Variants in NFIB observed in about 807,000 individuals in gnomAD.
NFIB encodes the protein nuclear factor I B.
Under a neutral mutation model 61.5 loss-of-function variants are expected in NFIB, and 11 were observed. The observed-to-expected ratio is 0.18, with a 90% CI of 0.11 to 0.30. The LOEUF (loss-of-function observed/expected upper bound fraction) is 0.30. NFIB is among the 10% of genes least tolerant of loss of function. The pLI, the probability that NFIB is intolerant of heterozygous loss-of-function variation, is 1.00. For missense variants in NFIB, 471 were observed against 608.9 expected, an observed-to-expected ratio of 0.77 and a Z score of 2.38; for synonymous variants, 260 against 216.5, an observed-to-expected ratio of 1.20 and a Z score of -1.76.
rs548341254 is a variant in NFIB at position 14,162,581 on chromosome 9, C to T, written c.617-6688G>A. On this transcript the variant is annotated intron_variant, in intron 3 of 10. Coordinates refer to ENST00000380953, the MANE Select transcript of NFIB (RefSeq NM_001190737.2). The stretch of plus-strand genomic sequence containing the variant: ...CAAGTTTTTATACCAGGAGTATACA[C>T]ATGCTTCATAAAATGGTTTTGATCA... Among the ~76,000 whole-genome samples, 5 of 152,122 alleles carry T rather than the reference C, an allele frequency of 3.3e-5. No homozygotes were observed. In the South Asian group the frequency reaches 1.0e-3, roughly 32 times the overall value.
chr9:14,109,473 A>G (rs911190225), intron 10 of NFIB, among the ~76,000 whole-genome samples: 1 of 151,412 alleles, frequency 6.6e-6, no homozygotes, highest in African/African-American at 2.5e-5. Context: ...AGCAGAGACT[A>G]ATCAGTTCAG....
Position 14,088,132 on chromosome 9 carries a change from C to T in NFIB, c.*177G>A. 1 of 1,350,712 alleles carries T rather than the reference C, an allele frequency of 7.4e-7. No homozygotes were observed. Among genetic ancestry groups the T allele is most frequent in the Admixed American group, 2.7e-5 (1 of 36,374 alleles). 83.7% of individuals were successfully genotyped at this position (1,350,712 alleles called of 1,614,324 possible). ...CCTTTGTGTTGTTTTGTCCAGTCTT[C>T]CTCTTTTCCTTTTTTTTTATTTAAA... On this transcript the variant is annotated 3_prime_UTR_variant, in exon 11 of 11. Transcript: ENST00000380953.
intron 9 of NFIB, 113 bp downstream of exon 9, chr9:14,116,095 G>A (rs1252073259): frequency 1.6e-6 from 2 of 1,260,046 alleles, no homozygotes; most frequent in Admixed American, 3.7e-5. Flanking sequence ...TCAGGTAGCT[G>A]GAAAAATTGC....
At chr9:14,181,416 ACT>A (rs2046761571) in intron 2 of NFIB, among the ~76,000 whole-genome samples, 1 of 152,206 alleles carries the variant, frequency 6.6e-6, no homozygotes, top group African/African-American at 2.4e-5. Context: ...AGAGCTGAGA[ACT>A]CTCTGAAAAT....
At chr9:14,149,899 C>A (rs1412026617) in intron 5 of NFIB, among the ~76,000 whole-genome samples, 1 of 152,058 alleles carries the variant, frequency 6.6e-6, no homozygotes, top group African/African-American at 2.4e-5. Flanking sequence ...GGACAAAAGT[C>A]ATATTAATAT....
At chr9:14,352,863 T>A (rs939725099) in intron 1 of NFIB, among the ~76,000 whole-genome samples, 6 of 152,228 alleles carry the variant, frequency 3.9e-5, no homozygotes, top group Non-Finnish European at 8.8e-5. Flanking sequence ...GGAGTCTTTG[T>A]GAAAGAGTAC....
the NFIB span, among the ~76,000 whole-genome samples, chr9:14,528,999 G>T: frequency 1.3e-5 from 2 of 152,124 alleles, no homozygotes; most frequent in Admixed American, 6.5e-5. Flanking sequence ...CTCCTTGAAA[G>T]AAGTCACATA....
the NFIB span, among the ~76,000 whole-genome samples, chr9:14,524,646 C>T: frequency 2.0e-5 from 3 of 152,166 alleles, no homozygotes. Context: ...ATTATCACTA[C>T]TGTTACATGA....
chr9:14,300,768 C>A (rs570896565), intron 2 of NFIB, among the ~76,000 whole-genome samples: 1 of 152,306 alleles, frequency 6.6e-6, no homozygotes, highest in African/African-American at 2.4e-5. Context: ...TCTTCAGGTG[C>A]TGAAATTCTA....
chr9:14,219,913 T>C (rs1337231182), intron 2 of NFIB, among the ~76,000 whole-genome samples: 1 of 152,170 alleles, frequency 6.6e-6, no homozygotes, highest in Admixed American at 6.5e-5. Flanking sequence ...GGGACTCTTA[T>C]AACAAAGCTT....
the NFIB span, among the ~76,000 whole-genome samples, chr9:14,438,163 T>A: frequency 6.6e-6 from 1 of 152,016 alleles, no homozygotes. Flanking sequence ...CTCGTGCTTG[T>A]AAGGGTACCA....
At position 14,142,384 on chromosome 9, in the gene NFIB, G is replaced by T. The variant is rs10961391; in HGVS notation, c.925+4305C>A. On this transcript the variant is annotated intron_variant, in intron 6 of 10. Coordinates refer to ENST00000380953, the MANE Select transcript of NFIB (RefSeq NM_001190737.2). ...TTGCTCCTCCTTCCACCATGACTGT[G>T]AAGCCTACCCAGCCAATAAACCTCT... Among the ~76,000 whole-genome samples the T allele has an allele frequency of 0.015, 2,208 of 152,202 alleles. 124 individuals are homozygous for T. In the East Asian group the frequency reaches 0.2, roughly 13 times the overall value.
intron 6 of NFIB, 142 bp from the exon 7 acceptor site, chr9:14,125,908 C>A: frequency 8.9e-7 from 1 of 1,118,080 alleles, no homozygotes; most frequent in Non-Finnish European, 1.2e-6. Flanking sequence ...TGAGTGTCAA[C>A]GATCCAGCTG....
At chr9:14,435,798 C>T in the NFIB span, among the ~76,000 whole-genome samples, 1 of 152,206 alleles carries the variant, frequency 6.6e-6, no homozygotes, top group Admixed American at 6.5e-5. Flanking sequence ...GGAAGGTGGG[C>T]AGATCTGTTA....
chr9:14,247,484 G>A (rs1473273319), intron 2 of NFIB, among the ~76,000 whole-genome samples: 3 of 152,140 alleles, frequency 2.0e-5, no homozygotes, highest in Admixed American at 6.6e-5. Flanking sequence ...ACAGGAAAAT[G>A]TGCCAGTCAT....
At chr9:14,327,547 G>C (rs2060770770) in intron 1 of NFIB, among the ~76,000 whole-genome samples, 1 of 152,184 alleles carries the variant, frequency 6.6e-6, no homozygotes, top group African/African-American at 2.4e-5. Context: ...ATAGGTTTTT[G>C]AGGATCTCTG....
At chr9:14,342,423 A>AGAAG (rs563853168) in intron 1 of NFIB, among the ~76,000 whole-genome samples, 247 of 151,874 alleles carry the variant, frequency 1.6e-3, no homozygotes, top group Non-Finnish European at 2.9e-3. Flanking sequence ...CAGTGAAATG[A>AGAAG]GAAGGAAGGA....
the NFIB span, among the ~76,000 whole-genome samples, chr9:14,422,675 T>A: frequency 5.3e-5 from 8 of 152,154 alleles, no homozygotes; most frequent in African/African-American, 1.9e-4. Context: ...TCAGCATAGG[T>A]CATGGGTCCA....
intron 3 of NFIB, among the ~76,000 whole-genome samples, chr9:14,178,097 C>G (rs926016926): frequency 2.2e-4 from 34 of 152,104 alleles, no homozygotes; most frequent in African/African-American, 8.2e-4. Flanking sequence ...TAATAGCTAT[C>G]AACTCTTTTT....
Sources: gnomAD v4.1 joint callset for allele counts (sites outside exome capture counted in the v4.1 genomes callset) on GRCh38, gnomAD v4.1.1 for gene constraint, MANE v1.5 for transcripts, NCBI Gene and HGNC (gene_info 2026-07-23, HGNC 2026-07-21) for gene names.